Variants in WDR47 observed in about 807,000 individuals in gnomAD.
WDR47 encodes the protein WD repeat-containing protein 47.
WDR47 carries 32 observed loss-of-function variants against 97.2 expected under a neutral mutation model. The observed-to-expected ratio is 0.33, with a 90% CI of 0.25 to 0.44. The LOEUF is 0.44. Ranked by LOEUF, WDR47 falls within the 20% of genes least tolerant of loss-of-function variation. The pLI is 1.00. For missense variants in WDR47, 782 were observed against 1,102.3 expected, an observed-to-expected ratio of 0.71 and a Z score of 4.11; for synonymous variants, 375 against 373.5, an observed-to-expected ratio of 1.00 and a Z score of -0.05.
At position 108,995,713 on chromosome 1, in the gene WDR47, A is replaced by G. The variant is rs938779595; in HGVS notation, c.1558T>C (p.Phe520Leu). ...CTAGAGTCTTGGGGTGGTGTAGTAA[A>G]ACTAGTCACAGAAGAACCATTAGAT... is the stretch of plus-strand genomic sequence containing the variant. ...NGSNGSSVTS[F>L]TTPPQDSSQR... is the part of the protein sequence containing the mutation. Residue 520 changes from phenylalanine (F) to leucine (L), a missense_variant, in exon 8 of 15, where the codon TTT (phenylalanine) becomes CTT (leucine). By Grantham distance (22) the Phe-to-Leu change is conservative. Transcript: ENST00000369962. 7 of 1,614,024 alleles carry G rather than the reference A, an allele frequency of 4.3e-6. No individual in the cohort carries two copies. Among genetic ancestry groups the G allele is most frequent in the Non-Finnish European group, 5.1e-6 (6 of 1,180,036 alleles).
intron 3 of WDR47, among the ~76,000 whole-genome samples, chr1:109,015,294 C>CA (rs978612973): frequency 1.4e-4 from 21 of 151,806 alleles, no homozygotes; most frequent in African/African-American, 5.1e-4. Context: ...CATAAAATAC[C>CA]AAAAAAAGGT....
intron 4 of WDR47, among the ~76,000 whole-genome samples, chr1:109,012,916 C>T (rs2101952028): frequency 6.6e-6 from 1 of 152,238 alleles, no homozygotes; most frequent in Middle Eastern, 3.4e-3. Flanking sequence ...ATCTGAAAGT[C>T]CCCACTGTAA....
chr1:109,003,189 C>A (rs538307938), intron 6 of WDR47, among the ~76,000 whole-genome samples: 1 of 152,140 alleles, frequency 6.6e-6, no homozygotes, highest in East Asian at 1.9e-4. Flanking sequence ...TTGTTCAAGT[C>A]CTCTATATCC....
chr1:108,972,391 C>A (rs1385916949), intron 14 of WDR47, among the ~76,000 whole-genome samples: 1 of 152,188 alleles, frequency 6.6e-6, no homozygotes, highest in Non-Finnish European at 1.5e-5. Flanking sequence ...AATCTACTCT[C>A]CCTACAGAAC....
chr1:108,974,227 C>A (rs974054547), intron 14 of WDR47, among the ~76,000 whole-genome samples: 3 of 152,176 alleles, frequency 2.0e-5, no homozygotes, highest in East Asian at 3.9e-4. Context: ...TGGTGGCTCA[C>A]GCCTGTAATC....
chr1:109,017,257 C>T (rs1406182700), intron 3 of WDR47, among the ~76,000 whole-genome samples: 3 of 152,056 alleles, frequency 2.0e-5, no homozygotes, highest in African/African-American at 7.2e-5. Context: ...ACAAAATTAG[C>T]TAGGCTGATG....
chr1:109,025,353 C>T (rs1571243966), intron 1 of WDR47, among the ~76,000 whole-genome samples: 1 of 150,524 alleles, frequency 6.6e-6, no homozygotes, highest in Admixed American at 6.7e-5. Flanking sequence ...ATCACTGGAG[C>T]CCCAGAAGTT....
chr1:109,001,349 G>A (rs914388759), intron 7 of WDR47, among the ~76,000 whole-genome samples: 1 of 151,898 alleles, frequency 6.6e-6, no homozygotes, highest in African/African-American at 2.4e-5. Flanking sequence ...AAACACACAC[G>A]TGTGTGTATA....
At chr1:109,037,646 A>AC (rs1557970633) in intron 1 of WDR47, among the ~76,000 whole-genome samples, 1 of 151,056 alleles carries the variant, frequency 6.6e-6, no homozygotes. Flanking sequence ...AAAAAAAAAA[A>AC]CCAACCCAAT....
chr1:108,971,175 T>C lies in WDR47; in HGVS notation c.*255A>G. The C allele has an allele frequency of 2.4e-6, 1 of 416,868 alleles. No homozygotes were observed. The highest frequency in any genetic ancestry group is 4.3e-6 in the Non-Finnish European group (1 of 232,052). 25.8% of individuals were successfully genotyped at this position (416,868 alleles called of 1,614,324 possible). ...CTGACTTGGAGTGCACACCAACAACTGAAGAGCTCTTCTGCAGACTTTGGC... is the reference window on the plus strand; with the variant it reads ...CTGACTTGGAGTGCACACCAACAACCGAAGAGCTCTTCTGCAGACTTTGGC... On this transcript the variant is annotated 3_prime_UTR_variant, in exon 15 of 15. Transcript: ENST00000369962.
intron 13 of WDR47, among the ~76,000 whole-genome samples, chr1:108,977,855 G>A (rs1401286175): frequency 2.6e-5 from 4 of 151,944 alleles, no homozygotes; most frequent in African/African-American, 9.7e-5. Context: ...GTGGTGGCAC[G>A]CACCTGTAGT....
chr1:108,995,936 A>G (rs1175653502), intron 7 of WDR47, 99 bp from the exon 8 acceptor site: 11 of 1,192,554 alleles, frequency 9.2e-6, no homozygotes, highest in Non-Finnish European at 1.2e-5. Flanking sequence ...ATATGCACAT[A>G]TAATATATAA....
At chr1:109,029,708 TAAATA>T (rs1157818103) in intron 1 of WDR47, among the ~76,000 whole-genome samples, 3 of 142,920 alleles carry the variant, frequency 2.1e-5, no homozygotes, top group East Asian at 2.0e-4. Flanking sequence ...AATAAATAAA[TAAATA>T]TTTTTTTAAA....
intron 9 of WDR47, among the ~76,000 whole-genome samples, chr1:108,988,535 AG>A (rs1435406914): frequency 6.6e-6 from 1 of 151,918 alleles, no homozygotes; most frequent in African/African-American, 2.4e-5. Flanking sequence ...TACAAAAATT[AG>A]CCGGGTGTGG....
In WDR47 at chr1:108,981,702, T is replaced by C. The variant is rs751149447; in HGVS notation, c.2398+31A>G. 5.9e-5 allele frequency: 93 copies of C among 1,577,720 alleles called. 4 individuals are homozygous for C. In the South Asian group the frequency reaches 9.5e-4, roughly 16 times the overall value. On this transcript the variant is annotated intron_variant, in intron 13 of 14. Transcript: ENST00000369962. ...ACTAGTCTAATTTACAAAGTTTTTT[T>C]CCCATATATATCATTTAAAGAAAAA...
Position 109,027,825 on chromosome 1 carries a change from T to C in WDR47, c.-9-4304A>G, listed in dbSNP as rs572106420. Among the ~76,000 whole-genome samples, 8 of 152,202 alleles carry C rather than the reference T, an allele frequency of 5.3e-5. No individual in the cohort carries two copies. The South Asian group carries it at 1.7e-3, about 32-fold the overall frequency. ...GCATGAGCCACCATGCCCAGCTATA[T>C]ACATATTTTAAACATCTATTTCCTG... On this transcript the variant is annotated intron_variant, in intron 1 of 14. Transcript: ENST00000369962.
intron 1 of WDR47, among the ~76,000 whole-genome samples, chr1:109,038,313 G>GC (rs1663100918): frequency 6.6e-6 from 1 of 152,178 alleles, no homozygotes; most frequent in African/African-American, 2.4e-5. Flanking sequence ...CTGCGGGAGA[G>GC]CTACTGTGCT....
At chr1:109,026,063 T>G (rs1026602423) in intron 1 of WDR47, among the ~76,000 whole-genome samples, 1 of 151,608 alleles carries the variant, frequency 6.6e-6, no homozygotes, top group Non-Finnish European at 1.5e-5. Flanking sequence ...TTTTTTTTTT[T>G]AAAGACAGGG....
chr1:109,029,945 A>G, intron 1 of WDR47: 1 of 378,846 alleles, frequency 2.6e-6, no homozygotes. Flanking sequence ...GTGTATTTCC[A>G]TACAAAGATA....
Sources: gnomAD v4.1 joint callset for allele counts (sites outside exome capture counted in the v4.1 genomes callset) on GRCh38, gnomAD v4.1.1 for gene constraint, MANE v1.5 for transcripts, NCBI Gene and HGNC (gene_info 2026-07-23, HGNC 2026-07-21) for gene names.